The following ABCA13 variants were observed in gnomAD, a reference collection of about 807,000 sequenced individuals.
The protein encoded by ABCA13 is ATP-binding cassette sub-family A member 13.
Under a neutral mutation model 478.7 loss-of-function variants are expected in ABCA13, and 476 were observed. That is an observed-to-expected ratio of 0.99 (90% CI 0.92 to 1.07). The LOEUF (loss-of-function observed/expected upper bound fraction) is 1.07. ABCA13 is among the 50% of genes least tolerant of loss of function. The probability of loss-of-function intolerance (pLI) is 0.00; values close to 1 mark genes in which losing one functional copy is unlikely to be tolerated. For missense variants in ABCA13, 6,060 were observed against 5,910.6 expected (o/e 1.03, Z -0.83); for synonymous variants, 2,252 against 2,158.9 (o/e 1.04, Z -1.20).
At chr7:48,427,110 A>G (rs192728580) in intron 41 of ABCA13, among the ~76,000 whole-genome samples, 1 of 152,254 alleles carries the variant, frequency 6.6e-6, no homozygotes, top group Non-Finnish European at 1.5e-5. Context: ...GTGCAGCTCA[A>G]GGCCCTCGAT....
At chr7:48,244,445 T>C (rs1791358286) in intron 10 of ABCA13, 131 bp from the exon 11 acceptor site, 2 of 1,117,536 alleles carry the variant, frequency 1.8e-6, no homozygotes, top group African/African-American at 3.2e-5. Context: ...TGTGATGAAG[T>C]GTGACTTTCA....
At position 48,267,238 on chromosome 7, in the gene ABCA13, T is replaced by C. The variant is rs536260891; in HGVS notation, c.2006-1742T>C. 1.5e-3 allele frequency among the ~76,000 whole-genome samples: 226 copies of C among 152,240 alleles called. 1 individual carries two copies. The highest frequency in any genetic ancestry group is 5.2e-3 in the African/African-American group (215 of 41,578). On this transcript the variant is annotated intron_variant, in intron 15 of 61. Transcript: ENST00000435803. ...CAAATCTTCTGTATCCTTACTGATA[T>C]TATGTCTTGAGCAGCATTGAAATCT...
In ABCA13 at chr7:48,509,605, G is replaced by T. The variant is rs180989203; in HGVS notation, c.13525-1479G>T. Among the ~76,000 whole-genome samples, 5 of 152,116 alleles carry T rather than the reference G, an allele frequency of 3.3e-5. No individual in the cohort carries two copies. The East Asian group carries it at 9.7e-4, about 29-fold the overall frequency. Reference sequence around the variant, plus strand: ...GATCTTGGTGATTAAGGACAGGAAGGGTTTCTTGCTTCTTGCTTGGATGGT... The same window carrying T: ...GATCTTGGTGATTAAGGACAGGAAGTGTTTCTTGCTTCTTGCTTGGATGGT... On this transcript the variant is annotated intron_variant, in intron 50 of 61. Coordinates refer to ENST00000435803, the MANE Select transcript of ABCA13 (RefSeq NM_152701.5).
intron 55 of ABCA13, among the ~76,000 whole-genome samples, chr7:48,575,861 C>A (rs1788122362): frequency 6.6e-6 from 1 of 152,052 alleles, no homozygotes; most frequent in African/African-American, 2.4e-5. Context: ...CAAACTGCTA[C>A]CCCAGTACTA....
At chr7:48,413,782 A>T (rs549738239) in intron 41 of ABCA13, among the ~76,000 whole-genome samples, 28 of 152,324 alleles carry the variant, frequency 1.8e-4, no homozygotes, top group Non-Finnish European at 2.6e-4. Context: ...TGTGAAACAT[A>T]AAAAATATTA....
At chr7:48,186,306 G>GT (rs570576903) in intron 1 of ABCA13, among the ~76,000 whole-genome samples, 120 of 152,084 alleles carry the variant, frequency 7.9e-4, no homozygotes, top group Middle Eastern at 3.4e-3. Flanking sequence ...CTGAGAGATT[G>GT]TTTTTCTGGG....
intron 49 of ABCA13, 94 bp from the exon 50 acceptor site, chr7:48,507,777 CA>C: frequency 3.0e-6 from 4 of 1,355,370 alleles, no homozygotes; most frequent in Non-Finnish European, 3.0e-6. Context: ...TTTTAATTAG[CA>C]GTTTTCACTG....
chr7:48,575,339 A>T (rs972752161), intron 55 of ABCA13, among the ~76,000 whole-genome samples: 6 of 152,142 alleles, frequency 3.9e-5, no homozygotes, highest in East Asian at 1.9e-4. Context: ...TACTCTAAAG[A>T]CTTAAAGGTT....
intron 55 of ABCA13, among the ~76,000 whole-genome samples, chr7:48,577,999 A>C (rs192715555): frequency 2.0e-5 from 3 of 152,294 alleles, no homozygotes; most frequent in Admixed American, 6.5e-5. Flanking sequence ...ACAGATGCAT[A>C]ACAACATTTT....
At chr7:48,472,499 T>A (rs1367555688) in intron 45 of ABCA13, among the ~76,000 whole-genome samples, 2 of 152,140 alleles carry the variant, frequency 1.3e-5, no homozygotes, top group African/African-American at 4.8e-5. Context: ...GAAATGGCCT[T>A]ATTGTCTAGG....
chr7:48,295,445 G>A (rs145214910), intron 20 of ABCA13, among the ~76,000 whole-genome samples: 2 of 152,326 alleles, frequency 1.3e-5, no homozygotes, highest in South Asian at 2.1e-4. Flanking sequence ...AGAGCCAGGC[G>A]ATTTGGTGGA....
At chr7:48,509,514 CA>C (rs1282801061) in intron 50 of ABCA13, among the ~76,000 whole-genome samples, 1 of 152,172 alleles carries the variant, frequency 6.6e-6, no homozygotes, top group African/African-American at 2.4e-5. Flanking sequence ...TTCTTTTCAG[CA>C]CCCTTAGTTT....
intron 59 of ABCA13, among the ~76,000 whole-genome samples, chr7:48,629,337 GC>G (rs1194626849): frequency 6.6e-6 from 1 of 152,108 alleles, no homozygotes; most frequent in African/African-American, 2.4e-5. Context: ...AGAAAACATA[GC>G]CTAACCAAGG....
chr7:48,419,739 A>G (rs1241982605), intron 41 of ABCA13, among the ~76,000 whole-genome samples: 1 of 152,198 alleles, frequency 6.6e-6, no homozygotes, highest in Non-Finnish European at 1.5e-5. Context: ...CTTTGCACAT[A>G]ATAGGTCTTA....
rs771458235 is a variant in ABCA13 at position 48,471,550 on chromosome 7, G to T, written c.12926G>T (p.Arg4309Leu). ...TTTAGGAAGAATTCTTCATGCTGGCGCACAGATCCCTTTTCTCACCCAGAA... is the reference window on the plus strand; with the variant it reads ...TTTAGGAAGAATTCTTCATGCTGGCTCACAGATCCCTTTTCTCACCCAGAA... ...NPRQKNSSCW[R>L]TDPFSHPEFQ... is the part of the protein sequence containing the mutation. Residue 4309 changes from arginine to leucine, a missense_variant, in exon 45 of 62, where the codon CGC becomes CTC. Physicochemically the swap from Arg to Leu is moderately radical, Grantham distance 102. Coordinates refer to ENST00000435803, the MANE Select transcript of ABCA13 (RefSeq NM_152701.5). 3 of 1,561,674 alleles carry T rather than the reference G, an allele frequency of 1.9e-6. No individual in the cohort carries two copies. The highest frequency in any genetic ancestry group is 1.4e-5 in the African/African-American group (1 of 73,814).
At chr7:48,411,757 C>CG (rs1819281503) in intron 40 of ABCA13, among the ~76,000 whole-genome samples, 1 of 152,208 alleles carries the variant, frequency 6.6e-6, no homozygotes, top group South Asian at 2.1e-4. Context: ...CTGTGTCAAC[C>CG]GGGGGCAGGA....
At chr7:48,489,124 C>A (rs1389243680) in intron 47 of ABCA13, 112 bp from the exon 48 acceptor site, 1 of 812,746 alleles carries the variant, frequency 1.2e-6, no homozygotes, top group Non-Finnish European at 2.0e-6. Flanking sequence ...ATCCTGCACT[C>A]AGGTGCCTTG....
intron 3 of ABCA13, among the ~76,000 whole-genome samples, chr7:48,204,111 C>CT (rs34262924): frequency 0.011 from 1,506 of 137,802 alleles, 17 homozygotes; most frequent in African/African-American, 0.028. Flanking sequence ...TCTTGACACT[C>CT]TTTTTTTTTT....
chr7:48,560,496 A>G (rs997321688), intron 55 of ABCA13, among the ~76,000 whole-genome samples: 11 of 152,150 alleles, frequency 7.2e-5, no homozygotes, highest in African/African-American at 2.4e-4. Context: ...GTAATTGCTC[A>G]CCTAATTTTT....
Sources: allele counts gnomAD v4.1 joint callset (sites outside exome capture counted in the v4.1 genomes callset), GRCh38; gene constraint gnomAD v4.1.1; transcripts MANE v1.5; gene names NCBI Gene and HGNC (gene_info 2026-07-23, HGNC 2026-07-21).